Variants in VPS13B observed in about 807,000 individuals in gnomAD.
VPS13B encodes intermembrane lipid transfer protein VPS13B.
A neutral mutation model predicts 426.4 loss-of-function variants in VPS13B; 285 were observed. The observed-to-expected ratio is 0.67, with a 90% confidence interval of 0.61 to 0.74. The LOEUF is 0.74. Ranked by LOEUF, VPS13B falls within the 30% of genes least tolerant of loss-of-function variation. The pLI, the probability that VPS13B is intolerant of heterozygous loss-of-function variation, is 0.00. For missense variants in VPS13B, 4,537 were observed against 4,782.6 expected (o/e 0.95, Z 1.51); for synonymous variants, 1,676 against 1,676.4 (o/e 1.00, Z 0.01).
At chr8:99,747,760 G>C (rs1810169917) in intron 39 of VPS13B, among the ~76,000 whole-genome samples, 1 of 151,946 alleles carries the variant, frequency 6.6e-6, no homozygotes, top group Non-Finnish European at 1.5e-5. Context: ...AAACTTGGGA[G>C]AATTTGTTAT....
At position 99,853,726 on chromosome 8, in the gene VPS13B, G is replaced by T. The variant is rs1260587896; in HGVS notation, c.10337G>T (p.Cys3446Phe). Residue 3446 changes from cysteine (C) to phenylalanine (F), a missense_variant, in exon 56 of 62, where the codon TGC becomes TTC. Physicochemically the swap from Cys to Phe is radical, Grantham distance 205. Transcript: ENST00000357162. The part of the protein sequence containing the change: ...KSNFHFAVLV[C>F]QGEKAEPIQC... Reference sequence around the variant, plus strand: ...AATTTCCACTTTGCTGTCTTAGTCTGCCAGGGAGAAAAAGCAGAACCCATT... The same window carrying T: ...AATTTCCACTTTGCTGTCTTAGTCTTCCAGGGAGAAAAAGCAGAACCCATT... The T allele has an allele frequency of 1.2e-6, 2 of 1,614,198 alleles. No individual in the cohort carries two copies. The highest frequency in any genetic ancestry group is 1.7e-6 in the Non-Finnish European group (2 of 1,180,028).
intron 33 of VPS13B, among the ~76,000 whole-genome samples, chr8:99,629,849 G>A (rs1828767251): frequency 6.6e-6 from 1 of 152,246 alleles, no homozygotes; most frequent in Non-Finnish European, 1.5e-5. Flanking sequence ...TTGTCATCTA[G>A]TTGATTGCTT....
At chr8:99,111,052 C>G (rs1468071636) in intron 5 of VPS13B, 46 bp from the exon 6 acceptor site, 1 of 1,502,972 alleles carries the variant, frequency 6.7e-7, no homozygotes, top group Non-Finnish European at 9.1e-7. Flanking sequence ...TTGCCTTTCC[C>G]CTGCTAATTT....
At chr8:99,381,204 C>CTTTATCCATGTTCCTGCAAAG (rs1813782253) in intron 19 of VPS13B, among the ~76,000 whole-genome samples, 1 of 152,178 alleles carries the variant, frequency 6.6e-6, no homozygotes, top group Non-Finnish European at 1.5e-5. Flanking sequence ...TGGCCTCCAG[C>CTTTATCCATGTTCCTGCAAAG]TTTATCCATG....
intron 3 of VPS13B, 113 bp downstream of exon 3, chr8:99,038,679 CTTTTTTTTT>C (rs34774482): frequency 1.2e-4 from 21 of 168,738 alleles, no homozygotes; most frequent in African/African-American, 1.2e-3. Flanking sequence ...AGCTTATATA[CTTTTTTTTT>C]TTTTTTTTTT....
chr8:99,206,864 A>G (rs558228294), intron 17 of VPS13B, among the ~76,000 whole-genome samples: 8 of 147,928 alleles, frequency 5.4e-5, no homozygotes, highest in African/African-American at 1.7e-4. Flanking sequence ...CATGTCTGCT[A>G]AATACTTCTA....
chr8:99,368,626 G>C (rs1813012396), intron 19 of VPS13B, among the ~76,000 whole-genome samples: 1 of 152,020 alleles, frequency 6.6e-6, no homozygotes, highest in Non-Finnish European at 1.5e-5. Flanking sequence ...ACTATCTCAG[G>C]TCATGCCTTT....
intron 58 of VPS13B, among the ~76,000 whole-genome samples, chr8:99,867,692 G>A (rs1434280717): frequency 6.6e-6 from 1 of 152,056 alleles, no homozygotes; most frequent in Non-Finnish European, 1.5e-5. Flanking sequence ...GGAATATGAG[G>A]ATCAAATGAT....
intron 34 of VPS13B, among the ~76,000 whole-genome samples, chr8:99,649,803 A>G (rs1033122688): frequency 6.6e-6 from 1 of 152,160 alleles, no homozygotes; most frequent in Non-Finnish European, 1.5e-5. Flanking sequence ...GGAGCTTTGG[A>G]TGTGTCCTTA....
intron 25 of VPS13B, among the ~76,000 whole-genome samples, chr8:99,485,296 G>C (rs1354955839): frequency 6.6e-6 from 1 of 152,118 alleles, no homozygotes; most frequent in African/African-American, 2.4e-5. Flanking sequence ...AGAGAGGAAG[G>C]AGCTATAATT....
At chr8:99,125,925 A>T (rs886128492) in intron 8 of VPS13B, among the ~76,000 whole-genome samples, 3 of 152,088 alleles carry the variant, frequency 2.0e-5, no homozygotes, top group Non-Finnish European at 4.4e-5. Context: ...GTGGAGCTAA[A>T]GACTTTTTTT....
intron 19 of VPS13B, among the ~76,000 whole-genome samples, chr8:99,293,896 G>C (rs1819884232): frequency 7.8e-6 from 1 of 128,666 alleles, no homozygotes; most frequent in Non-Finnish European, 1.7e-5. Context: ...AACAACAGGT[G>C]CTGGAGAGGA....
chr8:99,156,464 G>T, intron 14 of VPS13B, 85 bp from the exon 15 acceptor site: 1 of 1,317,296 alleles, frequency 7.6e-7, no homozygotes, highest in South Asian at 1.2e-5. Context: ...CTGCAAATGT[G>T]CAGATCTGAA....
chr8:99,087,304 A>G (rs1845874246), intron 3 of VPS13B, among the ~76,000 whole-genome samples: 1 of 152,114 alleles, frequency 6.6e-6, no homozygotes, highest in Non-Finnish European at 1.5e-5. Context: ...AGACCGTTGG[A>G]AAAGCACAGT....
At chr8:99,828,376 A>T in intron 51 of VPS13B, among the ~76,000 whole-genome samples, 1 of 122,050 alleles carries the variant, frequency 8.2e-6, no homozygotes, top group Non-Finnish European at 1.7e-5. Context: ...TTTATCAGAG[A>T]CTAGGATTAC....
chr8:99,379,080 C>T (rs767059026), intron 19 of VPS13B, among the ~76,000 whole-genome samples: 10 of 152,112 alleles, frequency 6.6e-5, no homozygotes, highest in Non-Finnish European at 2.9e-5. Flanking sequence ...CTCAAAGGAA[C>T]GCAAACCCTA....
chr8:99,858,425 T>C (rs1272878266), intron 56 of VPS13B, among the ~76,000 whole-genome samples: 1 of 152,198 alleles, frequency 6.6e-6, no homozygotes, highest in Non-Finnish European at 1.5e-5. Flanking sequence ...TCCTGGGACA[T>C]GCACAAGGGA....
intron 21 of VPS13B, among the ~76,000 whole-genome samples, chr8:99,394,876 A>T (rs1377469415): frequency 6.6e-6 from 1 of 152,240 alleles, no homozygotes; most frequent in Non-Finnish European, 1.5e-5. Flanking sequence ...AAGACATGTG[A>T]TAATGATGTA....
At position 99,875,497 on chromosome 8, in the gene VPS13B, T is replaced by TGGCCCCCA; in HGVS notation, c.11827_11834dup (p.Ser3945ArgfsTer46). 1 of 1,614,214 alleles carries TGGCCCCCA rather than the reference T, an allele frequency of 6.2e-7. No homozygotes were observed. The highest frequency in any genetic ancestry group is 8.5e-7 in the Non-Finnish European group (1 of 1,180,026). On this transcript the variant is annotated frameshift_variant, in exon 62 of 62. Coordinates refer to ENST00000357162, the MANE Select transcript of VPS13B (RefSeq NM_152564.5). LOFTEE classifies it high-confidence loss of function. ...TACATCACAAAGACATCTTGTCACC[T>TGGCCCCCA]GGCCCCCAGCTGTTCTTCCATGCAA...
Sources: gnomAD v4.1 joint callset for allele counts (sites outside exome capture counted in the v4.1 genomes callset) on GRCh38, gnomAD v4.1.1 for gene constraint, MANE v1.5 for transcripts, NCBI Gene and HGNC (gene_info 2026-07-23, HGNC 2026-07-21) for gene names.